The following RORA variants were observed in gnomAD, a reference collection of about 807,000 sequenced individuals.
RORA encodes nuclear receptor ROR-alpha.
RORA carries 7 observed loss-of-function variants against 69.5 expected under a neutral mutation model. The ratio of observed to expected loss-of-function variants is 0.10; its 90% CI spans 0.06 to 0.19. The LOEUF (loss-of-function observed/expected upper bound fraction) is 0.19, where lower values mean the gene tolerates loss of function less well. Among genes scored for constraint, RORA ranks in the 10% least tolerant of loss-of-function variants. The probability of loss-of-function intolerance (pLI) is 1.00; values close to 1 mark genes in which losing one functional copy is unlikely to be tolerated. For synonymous variants in RORA, 261 were observed against 240.8 expected (o/e 1.08, Z -0.78); for missense variants, 457 against 663.0 (o/e 0.69, Z 3.41).
chr15:60,606,042 CA>C (rs1182602113), intron 2 of RORA, among the ~76,000 whole-genome samples: 2 of 152,224 alleles, frequency 1.3e-5, no homozygotes, highest in African/African-American at 4.8e-5. Flanking sequence ...CTTCCCAGAA[CA>C]CGAAATATTT....
At chr15:60,722,069 C>T (rs1248597577) in intron 1 of RORA, among the ~76,000 whole-genome samples, 1 of 152,252 alleles carries the variant, frequency 6.6e-6, no homozygotes, top group Non-Finnish European at 1.5e-5. Context: ...TATACCAATA[C>T]CTTTTCTACT....
At chr15:60,569,495 A>G (rs2067816832) in intron 2 of RORA, among the ~76,000 whole-genome samples, 1 of 152,180 alleles carries the variant, frequency 6.6e-6, no homozygotes, top group African/African-American at 2.4e-5. Flanking sequence ...GATGCTTAGT[A>G]AATATGTAGT....
rs2065165390 is a variant in RORA at position 60,496,254 on chromosome 15, G to A, written c.*1201C>T. 1 of 152,054 alleles carries A rather than the reference G, an allele frequency of 6.6e-6. No homozygotes were observed. The highest frequency in any genetic ancestry group is 1.5e-5 in the Non-Finnish European group (1 of 68,020). 9.4% of individuals were successfully genotyped at this position (152,054 alleles called of 1,614,324 possible). A position where few individuals can be genotyped will look rare whatever the true frequency, so the allele number is the denominator to read the frequency against. ...AGTAAATACTTCATGTCCTCACATG[G>A]GGAGTGTGCATTTGCTCAGGATATA... On this transcript the variant is annotated 3_prime_UTR_variant, in exon 11 of 11. Transcript: ENST00000335670. The surrounding 1 kb of genome is among the most constrained non-coding windows in gnomAD (Gnocchi z 4.5).
chr15:60,759,136 G>A (rs750756932), intron 1 of RORA, among the ~76,000 whole-genome samples: 58 of 152,160 alleles, frequency 3.8e-4, no homozygotes, highest in Non-Finnish European at 6.6e-4. Context: ...ACTAACTGAC[G>A]TCAAAATGGT....
At chr15:60,517,949 A>G (rs1411118488) in intron 3 of RORA, among the ~76,000 whole-genome samples, 1 of 152,152 alleles carries the variant, frequency 6.6e-6, no homozygotes, top group Non-Finnish European at 1.5e-5. Context: ...AAATCCCAGC[A>G]TCTGTCACCT....
chr15:60,962,012 T>G (rs896970919), intron 1 of RORA, among the ~76,000 whole-genome samples: 37 of 152,222 alleles, frequency 2.4e-4, no homozygotes, highest in Non-Finnish European at 5.0e-4. Context: ...GTTGGAACAT[T>G]GAAAGGTGCC....
intron 1 of RORA, among the ~76,000 whole-genome samples, chr15:61,112,573 C>A (rs1301692486): frequency 6.6e-6 from 1 of 152,148 alleles, no homozygotes; most frequent in Admixed American, 6.5e-5. Context: ...TGCAGGGTGC[C>A]ACGCGTATTT....
intron 1 of RORA, among the ~76,000 whole-genome samples, chr15:60,686,506 T>C (rs1428866872): frequency 6.6e-6 from 1 of 152,220 alleles, no homozygotes; most frequent in Non-Finnish European, 1.5e-5. Flanking sequence ...CGATATTACC[T>C]GGTTGATTTA....
intron 1 of RORA, among the ~76,000 whole-genome samples, chr15:60,817,900 A>C (rs1355766458): frequency 6.6e-6 from 1 of 152,242 alleles, no homozygotes; most frequent in Non-Finnish European, 1.5e-5. Flanking sequence ...ATATTCACTG[A>C]ATGAATACAA....
chr15:60,735,726 G>A (rs2140842490), intron 1 of RORA, among the ~76,000 whole-genome samples: 1 of 152,284 alleles, frequency 6.6e-6, no homozygotes, highest in South Asian at 2.1e-4. Flanking sequence ...TGCTCAGTGG[G>A]TAAAATTTCA....
rs146230945 is a variant in RORA at position 60,745,578 on chromosome 15, C to T, written c.167-66892G>A. Among the ~76,000 whole-genome samples, 633 of 152,312 alleles carry T rather than the reference C, an allele frequency of 4.2e-3. 2 individuals are homozygous for T. The highest frequency in any genetic ancestry group is 0.014 in the African/African-American group (569 of 41,554). On this transcript the variant is annotated intron_variant, in intron 1 of 10. Coordinates refer to ENST00000335670, the MANE Select transcript of RORA (RefSeq NM_134261.3). Reference sequence around the variant, plus strand: ...TCGGCATGGCCAGAGAGGCCAGGGCCCAAAGCAGCACCAGGATCTTGAACT... The same window carrying T: ...TCGGCATGGCCAGAGAGGCCAGGGCTCAAAGCAGCACCAGGATCTTGAACT...
chr15:61,133,017 A>G (rs2140847235), intron 1 of RORA, among the ~76,000 whole-genome samples: 1 of 151,396 alleles, frequency 6.6e-6, no homozygotes, highest in Admixed American at 6.6e-5. Context: ...CTACGGGAAC[A>G]GAATAGTTTA....
Position 60,707,584 on chromosome 15 carries a change from C to T in RORA, c.167-28898G>A, listed in dbSNP as rs185103308. Among the ~76,000 whole-genome samples, 194 of 152,092 alleles carry T rather than the reference C, an allele frequency of 1.3e-3. 1 individual carries two copies. Among genetic ancestry groups the T allele is most frequent in the African/African-American group, 4.5e-3 (187 of 41,478 alleles). ...TTCACCGTGTTAGCCAGGATGGTCT[C>T]GATCTCCTGACCTCGTGATCTGTCC... is the stretch of plus-strand genomic sequence containing the variant. On this transcript the variant is annotated intron_variant, in intron 1 of 10. Transcript: ENST00000335670.
chr15:61,203,292 A>T (rs915413612), intron 1 of RORA, among the ~76,000 whole-genome samples: 1 of 152,216 alleles, frequency 6.6e-6, no homozygotes, highest in Non-Finnish European at 1.5e-5. Flanking sequence ...CTAATCTATG[A>T]TGATGGAAGA....
chr15:61,203,259 G>A (rs726914), intron 1 of RORA, among the ~76,000 whole-genome samples: 40,925 of 152,084 alleles, frequency 0.27, 6,600 homozygotes, highest in East Asian at 0.37. Flanking sequence ...TTCCATTTAT[G>A]TGAAATTCAA....
intron 2 of RORA, among the ~76,000 whole-genome samples, chr15:60,651,291 A>C (rs2070139362): frequency 6.6e-6 from 1 of 152,162 alleles, no homozygotes. Flanking sequence ...CAAGAGATGA[A>C]AAAGCCGCTG....
At chr15:61,199,944 G>A (rs1447011409) in intron 1 of RORA, among the ~76,000 whole-genome samples, 1 of 152,186 alleles carries the variant, frequency 6.6e-6, no homozygotes, top group Non-Finnish European at 1.5e-5. Flanking sequence ...AGAAAGGCCT[G>A]GGACAGGTGA....
chr15:60,749,080 G>C (rs1172296452), intron 1 of RORA, among the ~76,000 whole-genome samples: 1 of 152,206 alleles, frequency 6.6e-6, no homozygotes, highest in Non-Finnish European at 1.5e-5. Flanking sequence ...AAGTCGTGGG[G>C]TGTAGTTTAT....
At chr15:61,092,148 T>G (rs2078717078) in intron 1 of RORA, among the ~76,000 whole-genome samples, 1 of 152,238 alleles carries the variant, frequency 6.6e-6, no homozygotes, top group African/African-American at 2.4e-5. Flanking sequence ...CAACAATAGT[T>G]TCCATGGTTA....
Sources: allele counts gnomAD v4.1 joint callset (sites outside exome capture counted in the v4.1 genomes callset), GRCh38; gene constraint gnomAD v4.1.1; non-coding constraint Gnocchi (gnomAD v3.1); transcripts MANE v1.5; gene names NCBI Gene and HGNC (gene_info 2026-07-23, HGNC 2026-07-21).